Variants in PCDHGB2 observed in about 807,000 individuals in gnomAD.
PCDHGB2 encodes protocadherin gamma subfamily B, 2, also known as protocadherin gamma-B2.
A neutral mutation model predicts 59.3 loss-of-function variants in PCDHGB2; 55 were observed. The ratio of observed to expected loss-of-function variants is 0.93; its 90% CI spans 0.75 to 1.16. The LOEUF is 1.16. Ranked by LOEUF, PCDHGB2 falls within the 50% of genes most tolerant of loss-of-function variation. The pLI is 0.00. For synonymous variants in PCDHGB2, 516 were observed against 512.0 expected (o/e 1.01, Z -0.11); for missense variants, 1,228 against 1,198.5 (o/e 1.02, Z -0.36).
At chr5:141,374,123 G>A (rs1770158708) in intron 1 of PCDHGB2, 2 of 1,602,040 alleles carry the variant, frequency 1.2e-6, no homozygotes, top group Non-Finnish European at 8.5e-7. Context: ...CAGCGAGCAG[G>A]TCCTGCTCCT....
chr5:141,485,106 TGGCTGTTTGGGGCGGGTC>T lies in PCDHGB2; in HGVS notation c.2422-9696_2422-9679del. 1 of 1,206,448 alleles carries T rather than the reference TGGCTGTTTGGGGCGGGTC, an allele frequency of 8.3e-7. No homozygotes were observed. The highest frequency in any genetic ancestry group is 1.2e-6 in the Non-Finnish European group (1 of 828,284). 74.7% of individuals were successfully genotyped at this position (1,206,448 alleles called of 1,614,324 possible). Reference sequence around the variant, plus strand: ...GGGAGATAGGTGTCTCCAGCTGCTGTGGCTGTTTGGGGCGGGTCGGCTTCATCCGCGTCTCAGGAGCAA... The same window carrying T: ...GGGAGATAGGTGTCTCCAGCTGCTGTGGCTTCATCCGCGTCTCAGGAGCAA... On this transcript the variant is annotated intron_variant, in intron 1 of 3. Coordinates refer to ENST00000522605, the MANE Select transcript of PCDHGB2 (RefSeq NM_018923.3). This position sits in a 1 kb window ranked among gnomAD's most constrained non-coding sequence, Gnocchi z 5.7.
intron 1 of PCDHGB2, among the ~76,000 whole-genome samples, chr5:141,481,443 C>T (rs971405190): frequency 1.3e-5 from 2 of 152,174 alleles, no homozygotes; most frequent in African/African-American, 4.8e-5. Flanking sequence ...CAGTTTAGTA[C>T]ATGTAAATAC....
In PCDHGB2 at chr5:141,476,040, G is replaced by A; in HGVS notation, c.2422-18767G>A. 2.0e-6 allele frequency: 3 copies of A among 1,488,704 alleles called. No individual in the cohort carries two copies. Among genetic ancestry groups the A allele is most frequent in the Admixed American group, 2.2e-5 (1 of 44,984 alleles). 92.2% of individuals were successfully genotyped at this position (1,488,704 alleles called of 1,614,324 possible). On this transcript the variant is annotated intron_variant, in intron 1 of 3. Coordinates refer to ENST00000522605, the MANE Select transcript of PCDHGB2 (RefSeq NM_018923.3). The surrounding 1 kb of genome is among the most constrained non-coding windows in gnomAD (Gnocchi z 7.6). The stretch of plus-strand genomic sequence containing the variant: ...CGGACTCGGCGCCCAGCGCCCAAGC[G>A]CTAACCCGCTGAAAGTTTCTCAGCG...
At chr5:141,374,231 A>T (rs1335997807) in intron 1 of PCDHGB2, 1 of 1,613,834 alleles carries the variant, frequency 6.2e-7, no homozygotes, top group East Asian at 2.2e-5. Flanking sequence ...CAACATCGTC[A>T]AGGATCTGGG....
chr5:141,430,493 C>G (rs1232369484), intron 1 of PCDHGB2: 1 of 285,344 alleles, frequency 3.5e-6, no homozygotes, highest in African/African-American at 2.2e-5. Flanking sequence ...ACGAAATATC[C>G]TTTCTGGGAG....
intron 1 of PCDHGB2, chr5:141,422,667 G>A (rs1283968031): frequency 1.9e-6 from 3 of 1,607,536 alleles, no homozygotes; most frequent in South Asian, 1.1e-5. Context: ...CCCTCGACCC[G>A]GACAGCAAAC....
intron 1 of PCDHGB2, chr5:141,384,198 C>T (rs539882096): frequency 6.2e-7 from 1 of 1,613,734 alleles, no homozygotes; most frequent in Non-Finnish European, 8.5e-7. Context: ...CTCCCTTGTC[C>T]AGGGAAACTC....
chr5:141,405,856 C>T (rs1340012897), intron 1 of PCDHGB2, among the ~76,000 whole-genome samples: 1 of 152,096 alleles, frequency 6.6e-6, no homozygotes, highest in Non-Finnish European at 1.5e-5. Flanking sequence ...GTGTGTTTCT[C>T]ATCACTTTTC....
In PCDHGB2 at chr5:141,485,027, G is replaced by A. The variant is rs1594439784; in HGVS notation, c.2422-9780G>A. ...AATCTACCCCGCCACCAGCAAAAAC[G>A]GCGCGTAACCCTTGCGGCGCCGGCC... is the stretch of plus-strand genomic sequence containing the variant. On this transcript the variant is annotated intron_variant, in intron 1 of 3. Coordinates refer to ENST00000522605, the MANE Select transcript of PCDHGB2 (RefSeq NM_018923.3). The surrounding 1 kb of genome is among the most constrained non-coding windows in gnomAD (Gnocchi z 5.7). 1.5e-6 allele frequency: 1 copy of A among 662,546 alleles called. No individual in the cohort carries two copies. Among genetic ancestry groups the A allele is most frequent in the South Asian group, 1.9e-5 (1 of 53,596 alleles). The allele number at this position is 662,546 out of a possible 1,614,324, so 41.0% of individuals were successfully genotyped here.
chr5:141,409,825 G>T (rs748261010), intron 1 of PCDHGB2: 8 of 1,610,680 alleles, frequency 5.0e-6, no homozygotes, highest in Admixed American at 3.4e-5. Context: ...GCTCGCCCAC[G>T]CTCAGCGCCA....
chr5:141,392,964 G>A (rs772870041), intron 1 of PCDHGB2: 2 of 1,613,902 alleles, frequency 1.2e-6, no homozygotes, highest in South Asian at 1.1e-5. Context: ...TATCTCCAAG[G>A]ACCTGGGGCT....
chr5:141,465,629 C>A (rs1048373153), intron 1 of PCDHGB2, among the ~76,000 whole-genome samples: 1 of 152,204 alleles, frequency 6.6e-6, no homozygotes, highest in Non-Finnish European at 1.5e-5. Flanking sequence ...AGTCAACCAG[C>A]AAAATGCTTT....
Position 141,432,076 on chromosome 5 carries a change from G to T in PCDHGB2, c.2422-62731G>T. ...CCCTATCCACGGAAACTCATATCTC[G>T]CTGAACGTGGCAGACACCAACGACA... On this transcript the variant is annotated intron_variant, in intron 1 of 3. Transcript: ENST00000522605. This position sits in a 1 kb window ranked among gnomAD's most constrained non-coding sequence, Gnocchi z 6.0. 1.2e-6 allele frequency: 2 copies of T among 1,614,160 alleles called. No homozygotes were observed. Among genetic ancestry groups the T allele is most frequent in the Non-Finnish European group, 1.7e-6 (2 of 1,180,024 alleles).
rs902072815 is a variant in PCDHGB2, at chr5:141,495,024, C to A, written c.2480+159C>A. On this transcript the variant is annotated intron_variant, in intron 2 of 3. Coordinates refer to ENST00000522605, the MANE Select transcript of PCDHGB2 (RefSeq NM_018923.3). ...GGTGTGCGGGGGGCTGGCACACAGACCCCGGAAGGAAGAGGCGACTGCCCT... is the reference window on the plus strand; with the variant it reads ...GGTGTGCGGGGGGCTGGCACACAGAACCCGGAAGGAAGAGGCGACTGCCCT... The A allele has an allele frequency of 1.6e-5, 16 of 973,368 alleles. No homozygotes were observed. In the South Asian group the frequency reaches 5.7e-4, roughly 35 times the overall value. The allele number at this position is 973,368 out of a possible 1,614,324, so 60.3% of individuals were successfully genotyped here. A position where few individuals can be genotyped will look rare whatever the true frequency, so the allele number is the denominator to read the frequency against.
intron 1 of PCDHGB2, among the ~76,000 whole-genome samples, chr5:141,469,345 G>A (rs2099197832): frequency 6.6e-6 from 1 of 152,128 alleles, no homozygotes; most frequent in Non-Finnish European, 1.5e-5. Context: ...GGGAGGCTGA[G>A]GTGGATGGAT....
At chr5:141,464,978 GT>G in intron 1 of PCDHGB2, among the ~76,000 whole-genome samples, 1 of 152,148 alleles carries the variant, frequency 6.6e-6, no homozygotes, top group East Asian at 1.9e-4. Context: ...CTGGCTTCAA[GT>G]GATCCTCCCA....
intron 1 of PCDHGB2, chr5:141,366,073 C>T (rs766163319): frequency 3.7e-6 from 6 of 1,614,234 alleles, no homozygotes; most frequent in Non-Finnish European, 5.1e-6. Flanking sequence ...CGCCTCGCTC[C>T]GCAGAACCTG....
chr5:141,489,483 T>G lies in PCDHGB2; in HGVS notation c.2422-5324T>G. 1.9e-6 allele frequency: 3 copies of G among 1,613,980 alleles called. No individual in the cohort carries two copies. The highest frequency in any genetic ancestry group is 2.5e-6 in the Non-Finnish European group (3 of 1,180,008). ...GCTATTTTTCCCTGAGCTTGATGAG[T>G]GGTGCCCTGGCAGTGAATCAAAAGA... On this transcript the variant is annotated intron_variant, in intron 1 of 3. Coordinates refer to ENST00000522605, the MANE Select transcript of PCDHGB2 (RefSeq NM_018923.3). This position sits in a 1 kb window ranked among gnomAD's most constrained non-coding sequence, Gnocchi z 4.5.
At chr5:141,452,912 A>T (rs1301567203) in intron 1 of PCDHGB2, among the ~76,000 whole-genome samples, 1 of 152,228 alleles carries the variant, frequency 6.6e-6, no homozygotes, top group African/African-American at 2.4e-5. Flanking sequence ...GGCATTATAC[A>T]GTAAGAAAGA....
Sources: gnomAD v4.1 joint callset for allele counts (sites outside exome capture counted in the v4.1 genomes callset) on GRCh38, gnomAD v4.1.1 for gene constraint, Gnocchi (gnomAD v3.1) non-coding constraint, MANE v1.5 for transcripts, NCBI Gene and HGNC (gene_info 2026-07-23, HGNC 2026-07-21) for gene names.